Variants in DLG2 observed in about 807,000 individuals in gnomAD.
DLG2 encodes discs large MAGUK scaffold protein 2.
In DLG2, 45 loss-of-function variants were observed where a neutral mutation model predicts 132.5. The ratio of observed to expected loss-of-function variants is 0.34; its 90% CI spans 0.27 to 0.44. The LOEUF is 0.44. Ranked by LOEUF, DLG2 falls within the 20% of genes least tolerant of loss-of-function variation. The pLI is 1.00. For missense variants in DLG2, 1,045 were observed against 1,196.9 expected (o/e 0.87, Z 1.87); for synonymous variants, 424 against 419.6 (o/e 1.01, Z -0.13).
intron 15 of DLG2, among the ~76,000 whole-genome samples, chr11:83,908,285 T>C (rs1421250234): frequency 3.3e-5 from 5 of 152,158 alleles, no homozygotes; most frequent in African/African-American, 1.2e-4. Flanking sequence ...TCTCTATTCC[T>C]TTATTCAAGT....
intron 7 of DLG2, among the ~76,000 whole-genome samples, chr11:84,533,898 G>T (rs1294542432): frequency 1.2e-5 from 1 of 80,948 alleles, no homozygotes; most frequent in East Asian, 3.6e-4. Flanking sequence ...AGTAGCGCCA[G>T]TTCAGCCAAA....
At chr11:85,323,257 A>C (rs775769147) in intron 3 of DLG2, among the ~76,000 whole-genome samples, 22 of 152,216 alleles carry the variant, frequency 1.4e-4, no homozygotes, top group Admixed American at 2.6e-4. Flanking sequence ...CAGCTGAAAT[A>C]TCAACTCCAA....
chr11:83,788,132 C>G (rs115606025), intron 17 of DLG2, among the ~76,000 whole-genome samples: 2,447 of 152,240 alleles, frequency 0.016, 69 homozygotes, highest in African/African-American at 0.056. Context: ...TATACACGTT[C>G]AAAATGTATA....
In DLG2 at chr11:85,055,822, G is replaced by T. The variant is rs552281476; in HGVS notation, c.357+55839C>A. On this transcript the variant is annotated intron_variant, in intron 6 of 27. Transcript: ENST00000376104. ...GGCCCACCAATAAGGAATTAACTTG[G>T]TAAACATCTAAGGGTTAAGGCAGAG... 2.0e-5 allele frequency among the ~76,000 whole-genome samples: 3 copies of T among 152,168 alleles called. No individual in the cohort carries two copies. In the South Asian group the frequency reaches 6.2e-4, roughly 32 times the overall value.
At chr11:85,444,961 T>C (rs2091942396) in intron 3 of DLG2, among the ~76,000 whole-genome samples, 1 of 152,148 alleles carries the variant, frequency 6.6e-6, no homozygotes, top group Admixed American at 6.5e-5. Flanking sequence ...AAATAAAATA[T>C]AACCATGAGA....
At chr11:84,187,033 A>G (rs576673198) in intron 8 of DLG2, among the ~76,000 whole-genome samples, 1 of 151,758 alleles carries the variant, frequency 6.6e-6, no homozygotes, top group African/African-American at 2.4e-5. Flanking sequence ...TTAATAAAGT[A>G]CACTTCACAC....
At chr11:83,508,187 C>T (rs540568177) in intron 21 of DLG2, among the ~76,000 whole-genome samples, 9 of 151,916 alleles carry the variant, frequency 5.9e-5, no homozygotes, top group South Asian at 2.1e-4. Context: ...CAGTATTAAC[C>T]GTCACAACTG....
intron 6 of DLG2, among the ~76,000 whole-genome samples, chr11:84,677,367 T>C (rs1465657551): frequency 5.9e-5 from 9 of 151,978 alleles, no homozygotes; most frequent in Admixed American, 2.6e-4. Context: ...ATTTTGAGAG[T>C]TATTACCTAA....
chr11:83,633,428 C>T, intron 18 of DLG2, 103 bp from the exon 19 acceptor site: 4 of 845,568 alleles, frequency 4.7e-6, no homozygotes, highest in Non-Finnish European at 7.9e-6. Flanking sequence ...GGTTCCTTTG[C>T]CAAACAATGG....
intron 6 of DLG2, among the ~76,000 whole-genome samples, chr11:84,659,218 T>C (rs1313535776): frequency 6.6e-6 from 1 of 152,102 alleles, no homozygotes; most frequent in Non-Finnish European, 1.5e-5. Context: ...AATCTAATTG[T>C]GTATCTTCTG....
intron 8 of DLG2, among the ~76,000 whole-genome samples, chr11:84,195,594 G>C (rs1052024967): frequency 6.6e-6 from 1 of 152,160 alleles, no homozygotes; most frequent in East Asian, 1.9e-4. Context: ...CTCTAACCTT[G>C]CCACTTATAT....
chr11:85,174,376 G>A (rs2079078046), intron 4 of DLG2, among the ~76,000 whole-genome samples: 1 of 152,132 alleles, frequency 6.6e-6, no homozygotes, highest in Admixed American at 6.5e-5. Context: ...TGACACTTTG[G>A]TCAAAAATGA....
At chr11:85,238,629 T>G (rs1371256255) in intron 4 of DLG2, among the ~76,000 whole-genome samples, 1 of 152,118 alleles carries the variant, frequency 6.6e-6, no homozygotes, top group African/African-American at 2.4e-5. Context: ...TTTAGATGCT[T>G]CTTCTTCCTT....
intron 3 of DLG2, among the ~76,000 whole-genome samples, chr11:85,479,538 A>T (rs2093235091): frequency 6.6e-6 from 1 of 152,334 alleles, no homozygotes; most frequent in East Asian, 1.9e-4. Context: ...TAATATAAAC[A>T]CTTATGAATC....
At chr11:85,206,424 C>T (rs1357649474) in intron 4 of DLG2, among the ~76,000 whole-genome samples, 3 of 152,112 alleles carry the variant, frequency 2.0e-5, no homozygotes, top group Non-Finnish European at 2.9e-5. Context: ...AAGCATGTGA[C>T]GTTGAGGAAG....
At chr11:85,000,238 A>G (rs185590101) in intron 6 of DLG2, among the ~76,000 whole-genome samples, 41 of 152,272 alleles carry the variant, frequency 2.7e-4, no homozygotes, top group Admixed American at 2.4e-3. Context: ...TTTCCAAAAT[A>G]TGTTTGCTAC....
chr11:84,587,678 A>G (rs76806824), intron 6 of DLG2, among the ~76,000 whole-genome samples: 1,920 of 152,286 alleles, frequency 0.013, 41 homozygotes, highest in African/African-American at 0.044. Context: ...CTTAGTGGGC[A>G]GGTTTATTCC....
chr11:85,418,418 G>A (rs1345073193), intron 3 of DLG2, among the ~76,000 whole-genome samples: 4 of 152,182 alleles, frequency 2.6e-5, no homozygotes, highest in African/African-American at 9.6e-5. Flanking sequence ...TGTATATTCT[G>A]TTGATTTGGG....
intron 6 of DLG2, among the ~76,000 whole-genome samples, chr11:85,103,939 G>T (rs557391897): frequency 6.6e-6 from 1 of 151,610 alleles, no homozygotes; most frequent in Non-Finnish European, 1.5e-5. Context: ...GAAGATAAAC[G>T]GTAATAAGTA....
Sources: gnomAD v4.1 joint callset for allele counts (sites outside exome capture counted in the v4.1 genomes callset) on GRCh38, gnomAD v4.1.1 for gene constraint, MANE v1.5 for transcripts, NCBI Gene and HGNC (gene_info 2026-07-23, HGNC 2026-07-21) for gene names.